ANKRD30B: variants seen among roughly 807,000 people sequenced by gnomAD.
The protein encoded by ANKRD30B is ankyrin repeat domain-containing protein 30B.
In ANKRD30B, 144 loss-of-function variants were observed where a neutral mutation model predicts 202.2. That is an observed-to-expected ratio of 0.71 (90% CI 0.62 to 0.82). ANKRD30B has a LOEUF of 0.82. Among genes scored for constraint, ANKRD30B ranks in the 40% least tolerant of loss-of-function variants. ANKRD30B has a pLI of 0.00. For synonymous variants in ANKRD30B, 508 were observed against 561.3 expected (o/e 0.91, Z 1.34); for missense variants, 1,487 against 1,669.1 (o/e 0.89, Z 1.90).
At chr18:14,927,956 G>A in the ANKRD30B span, among the ~76,000 whole-genome samples, 1 of 152,062 alleles carries the variant, frequency 6.6e-6, no homozygotes, top group Non-Finnish European at 1.5e-5. Context: ...GGTGAAACAA[G>A]ACCGTGTGTG....
At chr18:14,921,488 C>A in the ANKRD30B span, among the ~76,000 whole-genome samples, 1 of 152,168 alleles carries the variant, frequency 6.6e-6, no homozygotes, top group Non-Finnish European at 1.5e-5. Context: ...CGAGGCCCCA[C>A]CCTGTCTGCT....
chr18:14,778,729 G>T (rs1262878877), intron 10 of ANKRD30B, among the ~76,000 whole-genome samples: 2 of 152,160 alleles, frequency 1.3e-5, no homozygotes, highest in African/African-American at 4.8e-5. Flanking sequence ...GCAGACTTGG[G>T]ATTCTGGAAT....
chr18:14,754,102 G>C (rs1913940567), intron 3 of ANKRD30B, among the ~76,000 whole-genome samples: 1 of 152,038 alleles, frequency 6.6e-6, no homozygotes, highest in Non-Finnish European at 1.5e-5. Context: ...AAACCTCATG[G>C]ACCATTTAAT....
intron 18 of ANKRD30B, among the ~76,000 whole-genome samples, chr18:14,796,639 C>T (rs1204864584): frequency 3.9e-5 from 6 of 152,040 alleles, no homozygotes; most frequent in Non-Finnish European, 8.8e-5. Flanking sequence ...GATATCTGTC[C>T]AGCAGCCTGC....
At chr18:14,837,414 T>C (rs1971226577) in intron 35 of ANKRD30B, 125 bp downstream of exon 35, 6 of 932,104 alleles carry the variant, frequency 6.4e-6, no homozygotes, top group Non-Finnish European at 7.8e-6. Context: ...AAATACAATG[T>C]CTACTTAAAA....
At position 14,840,642 on chromosome 18, in the gene ANKRD30B, CA is replaced by C. The variant is rs1355540327; in HGVS notation, c.3048del (p.Glu1017LysfsTer2). 6.5e-6 allele frequency: 10 copies of C among 1,536,660 alleles called. No homozygotes were observed. Among genetic ancestry groups the C allele is most frequent in the East Asian group, 2.5e-5 (1 of 40,594 alleles). ...NYECLPEATY[Q>X]KEIKTTNGKI... ...TGAGTGTTTACCTGAGGCTACATAT[CA>C]AAAAGAAATAAAGACAACAAATGGC... On this transcript the variant is annotated frameshift_variant, in exon 37 of 44. Transcript: ENST00000690538. LOFTEE classifies it high-confidence loss of function.
chr18:14,809,761 C>T (rs1033071518), intron 26 of ANKRD30B, among the ~76,000 whole-genome samples: 4 of 151,012 alleles, frequency 2.6e-5, no homozygotes, highest in African/African-American at 9.8e-5. Context: ...TTTTGTTTTA[C>T]AATAATCAGG....
the ANKRD30B span, among the ~76,000 whole-genome samples, chr18:14,921,192 G>A: frequency 6.6e-6 from 1 of 151,874 alleles, no homozygotes; most frequent in Admixed American, 6.6e-5. Flanking sequence ...TGTGGTGGGT[G>A]GAGAGGGCAG....
the ANKRD30B span, among the ~76,000 whole-genome samples, chr18:14,906,341 A>G: frequency 3.9e-5 from 6 of 152,130 alleles, no homozygotes; most frequent in African/African-American, 1.4e-4. Flanking sequence ...TCAAAATCTT[A>G]TAATAAAAAT....
intron 16 of ANKRD30B, among the ~76,000 whole-genome samples, chr18:14,795,849 A>G (rs1968840974): frequency 6.6e-6 from 1 of 150,506 alleles, no homozygotes; most frequent in Non-Finnish European, 1.5e-5. Flanking sequence ...GTTACCTAGG[A>G]CTTATTTTTT....
chr18:14,888,878 C>A, the ANKRD30B span: 5 of 1,052,478 alleles, frequency 4.8e-6, no homozygotes, highest in Non-Finnish European at 6.9e-6. Flanking sequence ...TTTGAAGTTA[C>A]AATCTTCATT....
chr18:14,831,479 G>A, intron 34 of ANKRD30B, 24 bp downstream of exon 34: 1 of 1,325,662 alleles, frequency 7.5e-7, no homozygotes, highest in Non-Finnish European at 1.0e-6. Context: ...TTGTTAAATT[G>A]ATTTTCTCAG....
chr18:14,830,424 GA>G (rs1163398064), intron 33 of ANKRD30B, among the ~76,000 whole-genome samples: 109 of 152,094 alleles, frequency 7.2e-4, no homozygotes, highest in Non-Finnish European at 1.3e-3. Flanking sequence ...ATTTTTGTGA[GA>G]AAAATATTCC....
chr18:14,838,450 G>A (rs1367082722), intron 36 of ANKRD30B, among the ~76,000 whole-genome samples: 1 of 152,192 alleles, frequency 6.6e-6, no homozygotes, highest in Non-Finnish European at 1.5e-5. Context: ...ATAAACATGA[G>A]AAATAGGACA....
At chr18:14,898,940 T>C in the ANKRD30B span, among the ~76,000 whole-genome samples, 2 of 152,210 alleles carry the variant, frequency 1.3e-5, no homozygotes, top group Non-Finnish European at 2.9e-5. Context: ...AGCTACATTA[T>C]TTACTTAAAA....
chr18:14,756,685 G>A (rs1384398730), intron 4 of ANKRD30B, among the ~76,000 whole-genome samples: 3 of 152,226 alleles, frequency 2.0e-5, no homozygotes, highest in Non-Finnish European at 2.9e-5. Context: ...CTTGAGGCCA[G>A]GAGTTTGAGA....
At chr18:14,885,501 T>G in the ANKRD30B span, among the ~76,000 whole-genome samples, 1 of 152,024 alleles carries the variant, frequency 6.6e-6, no homozygotes, top group East Asian at 1.9e-4. Flanking sequence ...GTGGGCCCCC[T>G]TTGCATTATT....
rs541671146 is a variant in ANKRD30B at position 14,769,242 on chromosome 18, G to T, written c.1226-101G>T. ...CTGCCTCACCTTCCCAAGTAGCTGG[G>T]ATTACAGGCATTTGCCATCGTGCCC... On this transcript the variant is annotated intron_variant, in intron 7 of 43. Coordinates refer to ENST00000690538, the MANE Select transcript of ANKRD30B (RefSeq NM_001367607.2). 5 of 892,428 alleles carry T rather than the reference G, an allele frequency of 5.6e-6. No individual in the cohort carries two copies. In the South Asian group the frequency reaches 9.0e-5, roughly 16 times the overall value. 55.3% of individuals were successfully genotyped at this position (892,428 alleles called of 1,614,324 possible). A position where few individuals can be genotyped will look rare whatever the true frequency, so the allele number is the denominator to read the frequency against.
the ANKRD30B span, among the ~76,000 whole-genome samples, chr18:14,884,854 G>A: frequency 3.3e-5 from 5 of 152,214 alleles, no homozygotes; most frequent in South Asian, 8.3e-4. Flanking sequence ...TTAAAGGATA[G>A]GTGGGAGTAT....
Sources: allele counts gnomAD v4.1 joint callset (sites outside exome capture counted in the v4.1 genomes callset), GRCh38; gene constraint gnomAD v4.1.1; transcripts MANE v1.5; gene names NCBI Gene and HGNC (gene_info 2026-07-23, HGNC 2026-07-21).